KCND2: variants seen among roughly 807,000 people sequenced by gnomAD.
The protein encoded by KCND2 is A-type voltage-gated potassium channel KCND2.
Under a neutral mutation model 54.4 loss-of-function variants are expected in KCND2, and 16 were observed. The observed-to-expected ratio is 0.29, with a 90% confidence interval of 0.20 to 0.45. The LOEUF (loss-of-function observed/expected upper bound fraction) is 0.45. KCND2 is among the 20% of genes least tolerant of loss of function. KCND2 has a pLI of 1.00. For synonymous variants in KCND2, 317 were observed against 310.7 expected (o/e 1.02, Z -0.21); for missense variants, 486 against 824.2 (o/e 0.59, Z 5.02).
chr7:120,375,683 C>T (rs1020466747), intron 1 of KCND2, among the ~76,000 whole-genome samples: 3 of 151,716 alleles, frequency 2.0e-5, no homozygotes, highest in Admixed American at 1.3e-4. Flanking sequence ...CATTCTCTGG[C>T]ATTTGAAAAG....
At chr7:120,518,156 A>T (rs1339033649) in intron 1 of KCND2, among the ~76,000 whole-genome samples, 1 of 152,156 alleles carries the variant, frequency 6.6e-6, no homozygotes. Context: ...CACTTGTGGC[A>T]TTGTACTAGA....
At position 120,560,841 on chromosome 7, in the gene KCND2, T is replaced by A. The variant is rs554423298; in HGVS notation, c.1116-172062T>A. The stretch of plus-strand genomic sequence containing the variant: ...AAATGTTAAAAGATTATCGAGACAA[T>A]TCTAATCCAGTTTGCTAATTTTAGA... On this transcript the variant is annotated intron_variant, in intron 1 of 5. Transcript: ENST00000331113. Among the ~76,000 whole-genome samples the A allele has an allele frequency of 1.0e-3, 155 of 152,278 alleles. 1 individual carries two copies. The highest frequency in any genetic ancestry group is 3.9e-3 in the Admixed American group (60 of 15,298).
At chr7:120,360,551 C>G (rs1338546671) in intron 1 of KCND2, among the ~76,000 whole-genome samples, 3 of 152,002 alleles carry the variant, frequency 2.0e-5, no homozygotes, top group African/African-American at 7.2e-5. Flanking sequence ...GCCTTTGTGC[C>G]AGTACTCTGT....
intron 1 of KCND2, among the ~76,000 whole-genome samples, chr7:120,582,495 G>A (rs1792529733): frequency 6.6e-6 from 1 of 152,028 alleles, no homozygotes; most frequent in Non-Finnish European, 1.5e-5. Context: ...ACCTCCTGCT[G>A]TGTTTTCTAC....
At chr7:120,509,666 G>T (rs1803082407) in intron 1 of KCND2, among the ~76,000 whole-genome samples, 1 of 151,702 alleles carries the variant, frequency 6.6e-6, no homozygotes, top group Non-Finnish European at 1.5e-5. Context: ...TGGAATAAGA[G>T]CTGTGCCATG....
chr7:120,450,775 T>G (rs940985189), intron 1 of KCND2, among the ~76,000 whole-genome samples: 1 of 152,130 alleles, frequency 6.6e-6, no homozygotes, highest in Non-Finnish European at 1.5e-5. Context: ...GTCTCATATT[T>G]CCATAAAGAA....
intron 1 of KCND2, among the ~76,000 whole-genome samples, chr7:120,533,912 C>G (rs1445327812): frequency 6.6e-6 from 1 of 152,126 alleles, no homozygotes; most frequent in Non-Finnish European, 1.5e-5. Flanking sequence ...TCCCATCCAT[C>G]AGAGAATGGT....
intron 1 of KCND2, among the ~76,000 whole-genome samples, chr7:120,296,628 C>T (rs1461691656): frequency 6.6e-6 from 1 of 152,020 alleles, no homozygotes; most frequent in African/African-American, 2.4e-5. Context: ...TTCTCATTCT[C>T]TGAGTGGTAC....
At chr7:120,571,494 ATC>A in intron 1 of KCND2, among the ~76,000 whole-genome samples, 1 of 152,288 alleles carries the variant, frequency 6.6e-6, no homozygotes, top group South Asian at 2.1e-4. Context: ...TTTCCCTAGA[ATC>A]TGTTACTGCA....
chr7:120,357,561 G>A (rs1800524353), intron 1 of KCND2, among the ~76,000 whole-genome samples: 1 of 151,932 alleles, frequency 6.6e-6, no homozygotes. Flanking sequence ...TTAGAAATTA[G>A]GTAATTTTGA....
Position 120,394,658 on chromosome 7 carries a change from G to A in KCND2, c.1115+118911G>A, listed in dbSNP as rs535041498. On this transcript the variant is annotated intron_variant, in intron 1 of 5. Transcript: ENST00000331113. The stretch of plus-strand genomic sequence containing the variant: ...GGACTATTATCATTGTGTCTTCAGA[G>A]CTAAACAATAAACTAAATTTCTCCC... 1.3e-3 allele frequency among the ~76,000 whole-genome samples: 197 copies of A among 152,064 alleles called. 1 individual carries two copies. The highest frequency in any genetic ancestry group is 1.5e-3 in the Non-Finnish European group (100 of 67,958).
At chr7:120,480,090 TA>T (rs1802584484) in intron 1 of KCND2, among the ~76,000 whole-genome samples, 1 of 151,942 alleles carries the variant, frequency 6.6e-6, no homozygotes, top group Non-Finnish European at 1.5e-5. Flanking sequence ...TATATATTAT[TA>T]TTTTCAACAG....
intron 1 of KCND2, among the ~76,000 whole-genome samples, chr7:120,678,773 TATATAC>T (rs1194062461): frequency 8.7e-6 from 1 of 114,598 alleles, no homozygotes; most frequent in Non-Finnish European, 1.8e-5. Flanking sequence ...TATATATATA[TATATAC>T]ACATAAACAC....
chr7:120,645,063 T>C (rs1306406109), intron 1 of KCND2, among the ~76,000 whole-genome samples: 2 of 152,214 alleles, frequency 1.3e-5, no homozygotes, highest in African/African-American at 4.8e-5. Context: ...AGACAGCATG[T>C]GTTATAGGTT....
At chr7:120,288,992 A>G (rs552498412) in intron 1 of KCND2, among the ~76,000 whole-genome samples, 19 of 151,770 alleles carry the variant, frequency 1.3e-4, no homozygotes, top group Non-Finnish European at 1.3e-4. Context: ...AACAGAGTAT[A>G]TATGGGGGGA....
chr7:120,299,191 T>G (rs1305334860), intron 1 of KCND2, among the ~76,000 whole-genome samples: 1 of 152,158 alleles, frequency 6.6e-6, no homozygotes, highest in African/African-American at 2.4e-5. Flanking sequence ...ATTCACTGCT[T>G]AATAGTAAAG....
At chr7:120,508,801 G>T (rs574610344) in intron 1 of KCND2, among the ~76,000 whole-genome samples, 1 of 151,596 alleles carries the variant, frequency 6.6e-6, no homozygotes, top group Non-Finnish European at 1.5e-5. Flanking sequence ...CAACATTGTG[G>T]CATCTACCGA....
chr7:120,369,052 T>G (rs1175527940), intron 1 of KCND2, among the ~76,000 whole-genome samples: 1 of 152,064 alleles, frequency 6.6e-6, no homozygotes, highest in African/African-American at 2.4e-5. Context: ...GTATTTGGTG[T>G]TGTTTTTGTT....
intron 1 of KCND2, among the ~76,000 whole-genome samples, chr7:120,699,143 G>A (rs1333100085): frequency 2.0e-5 from 3 of 152,012 alleles, no homozygotes; most frequent in Non-Finnish European, 2.9e-5. Flanking sequence ...TTAGCCGGGT[G>A]TGGTGGCGGG....
Sources: allele counts gnomAD v4.1 joint callset (sites outside exome capture counted in the v4.1 genomes callset), GRCh38; gene constraint gnomAD v4.1.1; transcripts MANE v1.5; gene names NCBI Gene and HGNC (gene_info 2026-07-23, HGNC 2026-07-21).